Variants in ARFGEF1 observed in about 807,000 individuals in gnomAD.
The protein encoded by ARFGEF1 is ARF guanine nucleotide exchange factor 1, also known as brefeldin A-inhibited guanine nucleotide-exchange protein 1.
Under a neutral mutation model 231.0 loss-of-function variants are expected in ARFGEF1, and 42 were observed. The observed-to-expected ratio is 0.18, with a 90% CI of 0.14 to 0.24. The LOEUF is 0.24. Among genes scored for constraint, ARFGEF1 ranks in the 10% least tolerant of loss-of-function variants. ARFGEF1 has a pLI of 1.00. For missense variants in ARFGEF1, 1,345 were observed against 2,192.0 expected (o/e 0.61, Z 7.72); for synonymous variants, 710 against 732.3 (o/e 0.97, Z 0.49).
intron 23 of ARFGEF1, among the ~76,000 whole-genome samples, chr8:67,232,390 A>C (rs113601646): frequency 0.022 from 3,394 of 152,110 alleles, 82 homozygotes; most frequent in South Asian, 0.047. Flanking sequence ...AAAATGGGGA[A>C]TATGTGGTGA....
At chr8:67,264,770 A>G (rs901204880) in intron 14 of ARFGEF1, among the ~76,000 whole-genome samples, 5 of 152,188 alleles carry the variant, frequency 3.3e-5, no homozygotes, top group African/African-American at 1.2e-4. Flanking sequence ...TTCCACTTCG[A>G]AGCCCTCTGA....
Position 67,296,513 on chromosome 8 carries a change from T to C in ARFGEF1, c.557A>G (p.Lys186Arg), listed in dbSNP as rs758092043. ...RTCYNIYLAS[K>R]NLINQTTAKA... ...GGCTGTTGTCTGATTGATGAGATTT[T>C]TGCTTGCTAAGTAGATATTGTAACA... Residue 186 changes from lysine (K) to arginine (R), a missense_variant, in exon 5 of 39, where the codon AAA (lysine) becomes AGA (arginine). Coordinates refer to ENST00000262215, the MANE Select transcript of ARFGEF1 (RefSeq NM_006421.5). The C allele has an allele frequency of 2.0e-5, 33 of 1,613,956 alleles. No individual in the cohort carries two copies. Among genetic ancestry groups the C allele is most frequent in the Non-Finnish European group, 2.6e-5 (31 of 1,179,994 alleles).
In ARFGEF1 at chr8:67,296,382, T is replaced by G; in HGVS notation, c.639+49A>C. 3 of 1,537,104 alleles carry G rather than the reference T, an allele frequency of 2.0e-6. 1 individual carries two copies. The South Asian group carries it at 3.6e-5, about 19-fold the overall frequency. On this transcript the variant is annotated intron_variant, in intron 5 of 38. Transcript: ENST00000262215. ...AATTACTGTAAACTCCTTTCTATGT[T>G]TAATGCCTGTTGTGTTCTATACAAC...
intron 1 of ARFGEF1, among the ~76,000 whole-genome samples, chr8:67,336,040 C>T (rs887461930): frequency 2.0e-5 from 3 of 152,238 alleles, no homozygotes; most frequent in African/African-American, 7.2e-5. Context: ...TGAGCCACCG[C>T]GCCCGGCCAT....
chr8:67,183,736 A>G (rs974366668), intron 5 of ARFGEF1, among the ~76,000 whole-genome samples: 1 of 152,100 alleles, frequency 6.6e-6, no homozygotes, highest in Non-Finnish European at 1.5e-5. Context: ...AGATACCAAC[A>G]GAAAATCTAG....
intron 9 of ARFGEF1, among the ~76,000 whole-genome samples, chr8:67,274,920 T>C (rs1805249228): frequency 6.6e-6 from 1 of 152,138 alleles, no homozygotes; most frequent in Non-Finnish European, 1.5e-5. Flanking sequence ...TGTTGATTTC[T>C]GACTTAGGGT....
In ARFGEF1 at chr8:67,302,473, G is replaced by T; in HGVS notation, c.125-7C>A. ...GTTTCCGCTTTTATTTCCTCTGAGG[G>T]GAAAAAAAAAGAAGCATACATTAGA... On this transcript the variant is annotated splice_polypyrimidine_tract_variant and splice_region_variant and intron_variant, in intron 1 of 38. Coordinates refer to ENST00000262215, the MANE Select transcript of ARFGEF1 (RefSeq NM_006421.5). The T allele has an allele frequency of 6.4e-7, 1 of 1,553,614 alleles. No individual in the cohort carries two copies. The highest frequency in any genetic ancestry group is 8.7e-7 in the Non-Finnish European group (1 of 1,154,930).
At chr8:67,297,279 C>T (rs887098258) in intron 4 of ARFGEF1, among the ~76,000 whole-genome samples, 3 of 152,174 alleles carry the variant, frequency 2.0e-5, no homozygotes, top group Admixed American at 2.0e-4. Flanking sequence ...ACTAGACCAT[C>T]AACTTGGGAA....
Position 67,227,046 on chromosome 8 carries a change from T to C in ARFGEF1, c.3916+91A>G, listed in dbSNP as rs116724601. ...CAAAGCTTGGTAAACTTAAAGGCCA[T>C]AATCTTATTGTTACTTGAATCATCT... On this transcript the variant is annotated intron_variant, in intron 27 of 38. Coordinates refer to ENST00000262215, the MANE Select transcript of ARFGEF1 (RefSeq NM_006421.5). 1.8e-3 allele frequency: 2,239 copies of C among 1,233,398 alleles called. 28 individuals carry two copies. The African/African-American group carries it at 0.029, about 16-fold the overall frequency. 76.4% of individuals were successfully genotyped at this position (1,233,398 alleles called of 1,614,324 possible). A position where few individuals can be genotyped will look rare whatever the true frequency, so the allele number is the denominator to read the frequency against.
At chr8:67,332,500 G>C (rs1360784524) in intron 1 of ARFGEF1, among the ~76,000 whole-genome samples, 1 of 152,156 alleles carries the variant, frequency 6.6e-6, no homozygotes, top group East Asian at 1.9e-4. Context: ...GAATTTGCCT[G>C]ACTTCTTAAG....
At position 67,343,421 on chromosome 8, in the gene ARFGEF1, C is replaced by A. The variant is rs1808755269; in HGVS notation, c.-134G>T. On this transcript the variant is annotated 5_prime_UTR_variant, in exon 1 of 39. Coordinates refer to ENST00000262215, the MANE Select transcript of ARFGEF1 (RefSeq NM_006421.5). ...GGGGGATTGGAGGCGTGGAGGGCAG[C>A]GGCAGGATCAGGAAGGGGCGGGCGA... 33 of 1,417,768 alleles carry A rather than the reference C, an allele frequency of 2.3e-5. No individual in the cohort carries two copies. In the South Asian group the frequency reaches 4.8e-4, roughly 21 times the overall value. The allele number at this position is 1,417,768 out of a possible 1,614,324, so 87.8% of individuals were successfully genotyped here. A position where few individuals can be genotyped will look rare whatever the true frequency, so the allele number is the denominator to read the frequency against.
At chr8:67,275,673 G>A (rs1055310300) in intron 9 of ARFGEF1, among the ~76,000 whole-genome samples, 9 of 152,032 alleles carry the variant, frequency 5.9e-5, no homozygotes. Context: ...CACTATTCTA[G>A]AATGCTGTCA....
chr8:67,228,666 A>G (rs2128872555), intron 23 of ARFGEF1, among the ~76,000 whole-genome samples: 1 of 152,154 alleles, frequency 6.6e-6, no homozygotes, highest in East Asian at 1.9e-4. Context: ...AATTTGACGT[A>G]TTTTTACCAG....
chr8:67,241,938 T>C (rs542891147), intron 19 of ARFGEF1, among the ~76,000 whole-genome samples: 5 of 152,256 alleles, frequency 3.3e-5, no homozygotes, highest in African/African-American at 7.2e-5. Context: ...AGACTTTACA[T>C]TGAACTCAGT....
chr8:67,190,996 C>T lies in ARFGEF1; in HGVS notation c.560+9400G>A, dbSNP rs73693131. 0.12 allele frequency among the ~76,000 whole-genome samples: 18,893 copies of T among 152,098 alleles called. 2,297 individuals are homozygous for T. The highest frequency in any genetic ancestry group is 0.32 in the African/African-American group (13,061 of 41,400). On this transcript the variant is annotated intron_variant, in intron 5 of 5. Transcript: ENST00000518789. ...CTCCTGGGGTGGCTGTAAGTAGCTC[C>T]TCATCCCAACCTTCCTTCTTCTCCT... is the stretch of plus-strand genomic sequence containing the variant.
At chr8:67,322,518 G>C (rs1018178828) in intron 1 of ARFGEF1, among the ~76,000 whole-genome samples, 5 of 152,162 alleles carry the variant, frequency 3.3e-5, no homozygotes, top group African/African-American at 1.2e-4. Flanking sequence ...GCAATATAGA[G>C]AGACCCCATC....
At chr8:67,206,410 TAAA>T (rs747164390) in intron 34 of ARFGEF1, among the ~76,000 whole-genome samples, 1 of 102,048 alleles carries the variant, frequency 9.8e-6, no homozygotes. Flanking sequence ...ATTTTATCTT[TAAA>T]AAAAAAAAAA....
chr8:67,331,867 G>A (rs1252982211), intron 1 of ARFGEF1, among the ~76,000 whole-genome samples: 1 of 152,176 alleles, frequency 6.6e-6, no homozygotes, highest in African/African-American at 2.4e-5. Flanking sequence ...GGTATACTAT[G>A]TATGGCAACC....
At position 67,257,826 on chromosome 8, in the gene ARFGEF1, TA is replaced by T; in HGVS notation, c.2442-11del. The T allele has an allele frequency of 6.3e-7, 1 of 1,593,564 alleles. No homozygotes were observed. Among genetic ancestry groups the T allele is most frequent in the South Asian group, 1.1e-5 (1 of 87,332 alleles). Reference sequence around the variant, plus strand: ...AGCAAAGAGAGTTTGTCTGGAAAAATAAATGTATCATGTTATAAACTTCTAC... The same window carrying T: ...AGCAAAGAGAGTTTGTCTGGAAAAATAATGTATCATGTTATAAACTTCTAC... On this transcript the variant is annotated splice_polypyrimidine_tract_variant and intron_variant, in intron 16 of 38. Coordinates refer to ENST00000262215, the MANE Select transcript of ARFGEF1 (RefSeq NM_006421.5).
Sources: allele counts gnomAD v4.1 joint callset (sites outside exome capture counted in the v4.1 genomes callset), GRCh38; gene constraint gnomAD v4.1.1; transcripts MANE v1.5; gene names NCBI Gene and HGNC (gene_info 2026-07-23, HGNC 2026-07-21).